FBXL2: variants seen among roughly 807,000 people sequenced by gnomAD.
FBXL2 encodes F-box/LRR-repeat protein 2.
In FBXL2, 38 loss-of-function variants were observed where a neutral mutation model predicts 69.2. The observed-to-expected ratio is 0.55, with a 90% CI of 0.42 to 0.72. FBXL2 has a LOEUF of 0.72. Ranked by LOEUF, FBXL2 falls within the 30% of genes least tolerant of loss-of-function variation. The pLI is 0.00. For synonymous variants in FBXL2, 192 were observed against 201.3 expected, an observed-to-expected ratio of 0.95 and a Z score of 0.39; for missense variants, 354 against 520.3, an observed-to-expected ratio of 0.68 and a Z score of 3.11.
intron 2 of FBXL2, among the ~76,000 whole-genome samples, chr3:33,328,108 A>T (rs141572317): frequency 1.3e-5 from 2 of 152,304 alleles, no homozygotes; most frequent in African/African-American, 4.8e-5. Flanking sequence ...CATAATTGCT[A>T]CAAAGAATAA....
chr3:33,377,240 C>T (rs1164639810), intron 10 of FBXL2, 33 bp from the exon 11 acceptor site: 1 of 1,599,318 alleles, frequency 6.3e-7, no homozygotes, highest in Middle Eastern at 1.7e-4. Flanking sequence ...CTAGTTGGTA[C>T]CGTTTTCTCC....
At chr3:33,344,580 G>C (rs1015022442) in intron 2 of FBXL2, among the ~76,000 whole-genome samples, 3 of 151,930 alleles carry the variant, frequency 2.0e-5, no homozygotes, top group Admixed American at 2.0e-4. Context: ...ATTCCAGATG[G>C]ATTGAAAACC....
chr3:33,323,348 A>G (rs1317636978), intron 2 of FBXL2, among the ~76,000 whole-genome samples: 1 of 152,192 alleles, frequency 6.6e-6, no homozygotes, highest in African/African-American at 2.4e-5. Flanking sequence ...TCTGGGATAC[A>G]TGTACAGAAC....
chr3:33,303,867 A>G (rs996728651), intron 2 of FBXL2, among the ~76,000 whole-genome samples: 15 of 152,100 alleles, frequency 9.9e-5, no homozygotes, highest in African/African-American at 3.1e-4. Flanking sequence ...TAATAAATGT[A>G]TAAACAGATG....
At chr3:33,374,351 A>T (rs1324315928) in intron 9 of FBXL2, among the ~76,000 whole-genome samples, 1 of 152,252 alleles carries the variant, frequency 6.6e-6, no homozygotes, top group East Asian at 1.9e-4. Context: ...AATAAAACGC[A>T]TAGGCAAGAG....
At chr3:33,369,883 GA>G (rs2042179989) in intron 5 of FBXL2, among the ~76,000 whole-genome samples, 1 of 152,170 alleles carries the variant, frequency 6.6e-6, no homozygotes, top group Non-Finnish European at 1.5e-5. Context: ...AAAGTGTTGG[GA>G]TTACAGGCAT....
intron 1 of FBXL2, among the ~76,000 whole-genome samples, chr3:33,296,411 T>C (rs1440996130): frequency 1.3e-5 from 2 of 152,212 alleles, no homozygotes; most frequent in Non-Finnish European, 2.9e-5. Flanking sequence ...TTTTTTTGGA[T>C]GTTTATGCTT....
intron 13 of FBXL2, chr3:33,383,227 TTTGAAG>T (rs1192438822): frequency 1.3e-5 from 2 of 152,358 alleles, no homozygotes; most frequent in Non-Finnish European, 2.9e-5. Flanking sequence ...AACTCATTTA[TTTGAAG>T]GAACAAATGA....
At chr3:33,422,377 AAAAC>A in the FBXL2 span, among the ~76,000 whole-genome samples, 1 of 151,822 alleles carries the variant, frequency 6.6e-6, no homozygotes, top group South Asian at 2.1e-4. Flanking sequence ...CCTGTCTCTA[AAAAC>A]AAACAAATAA....
chr3:33,312,398 GT>G (rs1228836912), intron 2 of FBXL2, among the ~76,000 whole-genome samples: 2 of 152,164 alleles, frequency 1.3e-5, no homozygotes, highest in Non-Finnish European at 2.9e-5. Flanking sequence ...AAATCTCCAT[GT>G]TTAGGGCTGG....
chr3:33,339,557 G>C (rs2039857901), intron 2 of FBXL2, among the ~76,000 whole-genome samples: 1 of 152,126 alleles, frequency 6.6e-6, no homozygotes, highest in Non-Finnish European at 1.5e-5. Context: ...TTGGGGTGGA[G>C]GGTAAGAGGA....
intron 5 of FBXL2, among the ~76,000 whole-genome samples, chr3:33,370,368 A>C (rs1193103242): frequency 6.7e-6 from 1 of 150,138 alleles, no homozygotes; most frequent in Admixed American, 6.7e-5. Flanking sequence ...CAGTGAGCCG[A>C]GATTGCACCA....
At chr3:33,303,238 G>GT (rs1363411391) in intron 2 of FBXL2, 3 of 451,050 alleles carry the variant, frequency 6.7e-6, no homozygotes, top group East Asian at 7.0e-5. Flanking sequence ...TTGCCGAAGA[G>GT]TTTTTTTAGG....
downstream of FBXL2, chr3:33,392,704 C>G (rs904344663): frequency 7.8e-7 from 1 of 1,274,412 alleles, no homozygotes; most frequent in Non-Finnish European, 1.1e-6. Context: ...TCTTCTCAAA[C>G]AAACACAGGA....
intron 2 of FBXL2, among the ~76,000 whole-genome samples, chr3:33,337,222 C>A (rs1325419983): frequency 1.3e-5 from 2 of 151,772 alleles, no homozygotes; most frequent in African/African-American, 4.8e-5. Context: ...AACAAACAAA[C>A]AAAAAAACCT....
At chr3:33,392,636 G>GT (rs1333847956), downstream of FBXL2, 2 of 1,588,502 alleles carry the variant, frequency 1.3e-6, no homozygotes, top group Admixed American at 3.5e-5. Flanking sequence ...AAGTAAATGC[G>GT]TAAGTACAAT....
intron 9 of FBXL2, among the ~76,000 whole-genome samples, chr3:33,375,055 T>C (rs936528117): frequency 6.6e-5 from 10 of 152,210 alleles, no homozygotes; most frequent in Non-Finnish European, 1.5e-4. Flanking sequence ...TTTAAAATTT[T>C]TACTTTATTT....
chr3:33,367,604 G>A (rs1295611833), intron 5 of FBXL2, among the ~76,000 whole-genome samples: 2 of 149,006 alleles, frequency 1.3e-5, no homozygotes, highest in South Asian at 2.1e-4. Context: ...TTTGGTCCTC[G>A]TCAGTCTGGC....
chr3:33,412,579 C>G, the FBXL2 span: 30 of 564,438 alleles, frequency 5.3e-5, 1 homozygote, highest in African/African-American at 7.8e-4. Context: ...AAGGCTCTGT[C>G]TCAAAAAAAA....
Sources: gnomAD v4.1 joint callset for allele counts (sites outside exome capture counted in the v4.1 genomes callset) on GRCh38, gnomAD v4.1.1 for gene constraint, MANE v1.5 for transcripts, NCBI Gene and HGNC (gene_info 2026-07-23, HGNC 2026-07-21) for gene names.